Variants in CHAT observed in about 807,000 individuals in gnomAD.
CHAT encodes the protein choline O-acetyltransferase.
Under a neutral mutation model 76.9 loss-of-function variants are expected in CHAT, and 61 were observed. The observed-to-expected ratio is 0.79, with a 90% CI of 0.65 to 0.98. The LOEUF (loss-of-function observed/expected upper bound fraction) is 0.98, where lower values mean the gene tolerates loss of function less well. Among genes scored for constraint, CHAT ranks in the 50% least tolerant of loss-of-function variants. CHAT has a pLI of 0.00. For missense variants in CHAT, 946 were observed against 986.9 expected (o/e 0.96, Z 0.56); for synonymous variants, 407 against 397.4 (o/e 1.02, Z -0.29).
At chr10:49,627,913 A>T in intron 7 of CHAT, 128 bp downstream of exon 7, 1 of 1,089,824 alleles carries the variant, frequency 9.2e-7, no homozygotes, top group East Asian at 2.6e-5. Context: ...GGCCCACAGC[A>T]TGCCCTGCGG....
At chr10:49,612,681 G>C (rs542598239), upstream of CHAT, 2 of 296,308 alleles carry the variant, frequency 6.7e-6, no homozygotes, top group Non-Finnish European at 1.3e-5. Flanking sequence ...CTGCACCGCG[G>C]CGCCTCCGCC....
chr10:49,660,435 C>G (rs1590626135), intron 13 of CHAT, among the ~76,000 whole-genome samples: 2 of 107,134 alleles, frequency 1.9e-5, no homozygotes, highest in East Asian at 6.1e-4. Context: ...GAGTGAGACT[C>G]CATCTCAGAA....
rs144521763 is a variant in CHAT, at chr10:49,641,736, T to G, written c.1112-4769T>G. Among the ~76,000 whole-genome samples, 157 of 152,320 alleles carry G rather than the reference T, an allele frequency of 1.0e-3. No homozygotes were observed. In the South Asian group the frequency reaches 0.015, roughly 14 times the overall value. The stretch of plus-strand genomic sequence containing the variant: ...TGAGAAAGATCCCAGTTCATCCATC[T>G]CCTGGACTGTGAGAAGGGGGATGGG... On this transcript the variant is annotated intron_variant, in intron 7 of 14. Coordinates refer to ENST00000337653, the MANE Select transcript of CHAT (RefSeq NM_020549.5).
intron 4 of CHAT, among the ~76,000 whole-genome samples, chr10:49,621,127 A>T (rs954664616): frequency 6.6e-6 from 1 of 152,226 alleles, no homozygotes; most frequent in African/African-American, 2.4e-5. Context: ...GCCGCTAATG[A>T]CAATGGAGGA....
intron 10 of CHAT, 62 bp downstream of exon 10, chr10:49,649,698 A>G: frequency 6.3e-7 from 1 of 1,591,632 alleles, no homozygotes; most frequent in South Asian, 1.1e-5. Flanking sequence ...CTTGCCTACT[A>G]GCTCCCAAGG....
intron 10 of CHAT, among the ~76,000 whole-genome samples, chr10:49,650,207 G>A (rs1839831916): frequency 6.6e-6 from 1 of 152,182 alleles, no homozygotes; most frequent in Non-Finnish European, 1.5e-5. Context: ...TCACTGGTTT[G>A]CTCATTCATT....
intron 13 of CHAT, chr10:49,661,113 C>T (rs1840180556): frequency 6.6e-6 from 1 of 152,126 alleles, no homozygotes; most frequent in African/African-American, 2.4e-5. Flanking sequence ...GCTACAGGAC[C>T]CGCGGCACCA....
At chr10:49,659,818 C>T (rs1335580772) in intron 13 of CHAT, among the ~76,000 whole-genome samples, 3 of 151,904 alleles carry the variant, frequency 2.0e-5, no homozygotes, top group Admixed American at 6.6e-5. Context: ...GCCGAGATCA[C>T]GCCACTTCAC....
At position 49,614,112 on chromosome 10, in the gene CHAT, C is replaced by T. The variant is rs986155946; in HGVS notation, c.-78C>T. 6.5e-7 allele frequency: 1 copy of T among 1,543,588 alleles called. No individual in the cohort carries two copies. Among genetic ancestry groups the T allele is most frequent in the South Asian group, 1.2e-5 (1 of 83,786 alleles). On this transcript the variant is annotated 5_prime_UTR_variant, in exon 1 of 15. Transcript: ENST00000337653. ...CCTTCTAGAGCCTAAATTTGTTGCC[C>T]GAGTTCCTCCGGGAAGCGCTCCGGG...
At chr10:49,628,454 A>T (rs529146809) in intron 7 of CHAT, among the ~76,000 whole-genome samples, 1 of 152,254 alleles carries the variant, frequency 6.6e-6, no homozygotes, top group East Asian at 1.9e-4. Flanking sequence ...ACCCCTCAGA[A>T]TTTTACTGGG....
At chr10:49,625,241 C>T (rs150656778) in intron 5 of CHAT, among the ~76,000 whole-genome samples, 51 of 152,262 alleles carry the variant, frequency 3.3e-4, no homozygotes, top group African/African-American at 1.0e-3. Flanking sequence ...TTGCACATGC[C>T]GTGCATGAGG....
In CHAT at chr10:49,667,557, C is replaced by A. The variant is rs1180742651; in HGVS notation, c.*2511C>A. 6.6e-6 allele frequency among the ~76,000 whole-genome samples: 1 copy of A among 152,176 alleles called. No homozygotes were observed. The highest frequency in any genetic ancestry group is 1.5e-5 in the Non-Finnish European group (1 of 68,036). ...CCCCCTCCAAGAATACACGGGTGCACTGAGTCTTTATGCAAAGGCAACACT... is the reference window on the plus strand; with the variant it reads ...CCCCCTCCAAGAATACACGGGTGCAATGAGTCTTTATGCAAAGGCAACACT... On this transcript the variant is annotated 3_prime_UTR_variant, in exon 15 of 15. Coordinates refer to ENST00000337653, the MANE Select transcript of CHAT (RefSeq NM_020549.5).
intron 9 of CHAT, 123 bp from the exon 10 acceptor site, chr10:49,649,385 G>C: frequency 1.4e-6 from 2 of 1,413,974 alleles, no homozygotes; most frequent in Non-Finnish European, 2.0e-6. Flanking sequence ...GGGGCAGCTC[G>C]TACCCCCTGA....
intron 2 of CHAT, among the ~76,000 whole-genome samples, chr10:49,618,011 A>G (rs982594072): frequency 2.0e-5 from 3 of 152,206 alleles, no homozygotes; most frequent in Non-Finnish European, 4.4e-5. Flanking sequence ...TTCACTCTGC[A>G]GCCTATGGGG....
chr10:49,619,482 C>A (rs1838617801), intron 2 of CHAT, among the ~76,000 whole-genome samples: 1 of 152,190 alleles, frequency 6.6e-6, no homozygotes, highest in Non-Finnish European at 1.5e-5. Flanking sequence ...CTGTCTGATG[C>A]CAATATCACC....
chr10:49,657,185 A>G (rs4838394), intron 13 of CHAT, among the ~76,000 whole-genome samples: 61,299 of 151,968 alleles, frequency 0.4, 12,929 homozygotes, highest in East Asian at 0.69. Context: ...CAGAAGGTTC[A>G]GTGTCTGGCA....
intron 10 of CHAT, among the ~76,000 whole-genome samples, chr10:49,650,038 C>T (rs996959424): frequency 6.6e-5 from 10 of 152,224 alleles, no homozygotes; most frequent in Non-Finnish European, 1.2e-4. Flanking sequence ...ACAAAGGGGC[C>T]TTTTTCCCCA....
intron 7 of CHAT, among the ~76,000 whole-genome samples, 174 bp from the exon 8 acceptor site, chr10:49,646,331 C>A (rs1356182117): frequency 2.0e-5 from 3 of 152,214 alleles, no homozygotes; most frequent in Admixed American, 6.5e-5. Context: ...GACACTCTGG[C>A]TGACTTCACT....
Position 49,664,790 on chromosome 10 carries a change from C to A in CHAT, c.1991C>A (p.Thr664Lys), listed in dbSNP as rs934032336. 1.2e-6 allele frequency: 2 copies of A among 1,614,100 alleles called. No individual in the cohort carries two copies. Among genetic ancestry groups the A allele is most frequent in the Non-Finnish European group, 1.7e-6 (2 of 1,180,044 alleles). The change falls in exon 15 of 15, where the codon ACG becomes AAG. Residue 664 changes from threonine (T) to lysine (K), a missense_variant. Thr to Lys is a moderately conservative substitution (Grantham distance 78). Around this residue, in one of 3 missense-constraint regions of CHAT, gnomAD observed 349 missense variants for 393.9 expected, o/e 0.89. Coordinates refer to ENST00000337653, the MANE Select transcript of CHAT (RefSeq NM_020549.5). Reference sequence around the variant, plus strand: ...CCTCTCCTCCAGGTGCCCACAACCACGGAGATGTTCTGCTGCTATGGTCCT... The same window carrying A: ...CCTCTCCTCCAGGTGCCCACAACCAAGGAGATGTTCTGCTGCTATGGTCCT... The part of the protein sequence containing the change: ...VLSTSQVPTT[T>K]EMFCCYGPVV...
Sources: allele counts gnomAD v4.1 joint callset (sites outside exome capture counted in the v4.1 genomes callset), GRCh38; gene constraint gnomAD v4.1.1; regional missense constraint gnomAD v4.1.1; transcripts MANE v1.5; gene names NCBI Gene and HGNC (gene_info 2026-07-23, HGNC 2026-07-21).